The following FHIT variants were observed in gnomAD, a reference collection of about 807,000 sequenced individuals.
FHIT encodes bis(5'-adenosyl)-triphosphatase.
Under a neutral mutation model 17.9 loss-of-function variants are expected in FHIT, and 19 were observed. The observed-to-expected ratio is 1.06, with a 90% CI of 0.74 to 1.56. The LOEUF (loss-of-function observed/expected upper bound fraction) is 1.56. FHIT is among the 40% of genes most tolerant of loss of function. The probability of loss-of-function intolerance (pLI) is 0.00; values close to 1 mark genes in which losing one functional copy is unlikely to be tolerated. For synonymous variants in FHIT, 81 were observed against 69.7 expected (o/e 1.16, Z -0.81); for missense variants, 248 against 189.2 (o/e 1.31, Z -1.82).
At chr3:59,980,136 G>C (rs77428414) in intron 7 of FHIT, among the ~76,000 whole-genome samples, 10,516 of 152,150 alleles carry the variant, frequency 0.069, 478 homozygotes, top group Admixed American at 0.11. Flanking sequence ...TACACATTAA[G>C]TTTGACACTA....
chr3:60,613,923 G>GA (rs1279275387), intron 4 of FHIT, among the ~76,000 whole-genome samples: 2 of 152,094 alleles, frequency 1.3e-5, no homozygotes, highest in African/African-American at 2.4e-5. Context: ...AAGCAGAGGT[G>GA]AAAAGAGTAT....
chr3:60,730,142 G>T, intron 4 of FHIT: 1 of 471,002 alleles, frequency 2.1e-6, no homozygotes, highest in South Asian at 1.7e-5. Context: ...AAGAAGCACC[G>T]AAGGACCACT....
At chr3:60,098,707 G>A (rs1159463119) in intron 5 of FHIT, among the ~76,000 whole-genome samples, 3 of 152,116 alleles carry the variant, frequency 2.0e-5, no homozygotes, top group Non-Finnish European at 4.4e-5. Context: ...CTGTGCAGAA[G>A]CTCTTTAGTT....
At chr3:59,951,476 G>A (rs912300801) in intron 7 of FHIT, among the ~76,000 whole-genome samples, 3 of 152,176 alleles carry the variant, frequency 2.0e-5, no homozygotes, top group Non-Finnish European at 4.4e-5. Flanking sequence ...TCTGCTAATT[G>A]TCTTTTACCC....
At chr3:61,031,194 A>G (rs141805138) in intron 3 of FHIT, among the ~76,000 whole-genome samples, 288 of 152,320 alleles carry the variant, frequency 1.9e-3, no homozygotes, top group African/African-American at 6.4e-3. Context: ...TGGCAAAATG[A>G]CTTTGTTTAC....
intron 5 of FHIT, among the ~76,000 whole-genome samples, chr3:60,125,763 G>A (rs914295597): frequency 6.6e-6 from 1 of 152,024 alleles, no homozygotes; most frequent in African/African-American, 2.4e-5. Flanking sequence ...ACACTCGGGA[G>A]GACTGCATTT....
At chr3:59,967,684 A>G (rs1361922760) in intron 7 of FHIT, among the ~76,000 whole-genome samples, 2 of 152,146 alleles carry the variant, frequency 1.3e-5, no homozygotes, top group Non-Finnish European at 2.9e-5. Context: ...TGGCTCCCAA[A>G]GGCACCTCAG....
intron 5 of FHIT, among the ~76,000 whole-genome samples, chr3:60,032,089 T>C (rs752134261): frequency 1.7e-4 from 26 of 152,236 alleles, no homozygotes; most frequent in Non-Finnish European, 3.4e-4. Context: ...CCACTTCTCA[T>C]TATTTAATAT....
At chr3:60,042,136 C>G (rs1209159563) in intron 5 of FHIT, among the ~76,000 whole-genome samples, 2 of 152,168 alleles carry the variant, frequency 1.3e-5, no homozygotes, top group Non-Finnish European at 2.9e-5. Context: ...TGGAAGATAG[C>G]TCTGAGCTCT....
chr3:60,725,093 T>C (rs1036503063), intron 4 of FHIT, among the ~76,000 whole-genome samples: 6 of 152,206 alleles, frequency 3.9e-5, no homozygotes, highest in African/African-American at 1.4e-4. Flanking sequence ...TTTGGAGAAA[T>C]GTCTATTCAG....
At chr3:60,409,610 G>A (rs536975375) in intron 5 of FHIT, among the ~76,000 whole-genome samples, 13 of 152,286 alleles carry the variant, frequency 8.5e-5, no homozygotes, top group African/African-American at 3.1e-4. Context: ...AGACTAAGAT[G>A]TCAGTGATCT....
At chr3:60,665,602 T>C (rs181076257) in intron 4 of FHIT, among the ~76,000 whole-genome samples, 1 of 152,050 alleles carries the variant, frequency 6.6e-6, no homozygotes, top group Non-Finnish European at 1.5e-5. Context: ...CCTGTTTTTT[T>C]AAAAATTAAT....
intron 4 of FHIT, among the ~76,000 whole-genome samples, chr3:60,574,566 C>G (rs2037502357): frequency 6.6e-6 from 1 of 151,928 alleles, no homozygotes; most frequent in Non-Finnish European, 1.5e-5. Context: ...ATAGCCCCCT[C>G]CTAATCCCTC....
intron 8 of FHIT, among the ~76,000 whole-genome samples, chr3:59,753,001 C>T (rs1451863045): frequency 2.0e-5 from 3 of 152,130 alleles, no homozygotes; most frequent in Non-Finnish European, 2.9e-5. Flanking sequence ...CCCCCACACT[C>T]TTCTAATTTT....
chr3:60,201,755 G>C (rs1426256436), intron 5 of FHIT, among the ~76,000 whole-genome samples: 1 of 151,382 alleles, frequency 6.6e-6, no homozygotes, highest in Non-Finnish European at 1.5e-5. Context: ...AAATAGCTGA[G>C]TTCATCTAAA....
intron 4 of FHIT, chr3:60,732,773 A>C (rs1235282850): frequency 4.2e-6 from 1 of 240,964 alleles, no homozygotes; most frequent in Non-Finnish European, 7.7e-6. Flanking sequence ...TGCAATCTCC[A>C]CCTTCCGGGT....
intron 5 of FHIT, among the ~76,000 whole-genome samples, chr3:60,051,376 C>A (rs1418265292): frequency 6.9e-6 from 1 of 145,056 alleles, no homozygotes; most frequent in Non-Finnish European, 1.5e-5. Flanking sequence ...CAATCACAGG[C>A]TGCCAACTGA....
chr3:60,394,479 C>A (rs1412950886), intron 5 of FHIT, among the ~76,000 whole-genome samples: 1 of 152,108 alleles, frequency 6.6e-6, no homozygotes, highest in African/African-American at 2.4e-5. Context: ...ATCAAGAGGA[C>A]TGAAAGCAGG....
chr3:61,130,906 TTAAAA>T (rs1186666476), intron 2 of FHIT, among the ~76,000 whole-genome samples: 1 of 152,220 alleles, frequency 6.6e-6, no homozygotes, highest in Non-Finnish European at 1.5e-5. Context: ...ATTCTCATTA[TTAAAA>T]TAAAATAATG....
Sources: gnomAD v4.1 joint callset for allele counts (sites outside exome capture counted in the v4.1 genomes callset) on GRCh38, gnomAD v4.1.1 for gene constraint, MANE v1.5 for transcripts, NCBI Gene and HGNC (gene_info 2026-07-23, HGNC 2026-07-21) for gene names.